Variants in ABL1 observed in about 807,000 individuals in gnomAD.
ABL1 encodes the protein ABL proto-oncogene 1, non-receptor tyrosine kinase, also known as tyrosine-protein kinase ABL1.
ABL1 carries 11 observed loss-of-function variants against 94.7 expected under a neutral mutation model. That is an observed-to-expected ratio of 0.12 (90% CI 0.07 to 0.19). The LOEUF (loss-of-function observed/expected upper bound fraction) is 0.19. Among genes scored for constraint, ABL1 ranks in the 10% least tolerant of loss-of-function variants. ABL1 has a pLI of 1.00. For synonymous variants in ABL1, 656 were observed against 622.4 expected, an observed-to-expected ratio of 1.05 and a Z score of -0.80; for missense variants, 1,082 against 1,489.4, an observed-to-expected ratio of 0.73 and a Z score of 4.50.
At position 130,792,468 on chromosome 9, in the gene ABL1, C is replaced by T. The variant is rs111628884; in HGVS notation, c.137-61596C>T. ...GTTCCCATCAGCTACTTCCCTACCC[C>T]TAGTGGTCCTATGAGTCCTTCAGTT... On this transcript the variant is annotated intron_variant, in intron 1 of 10. Coordinates refer to the ABL1 transcript ENST00000372348. 2.5e-3 allele frequency among the ~76,000 whole-genome samples: 379 copies of T among 152,200 alleles called. 3 individuals carry two copies. Among genetic ancestry groups the T allele is most frequent in the African/African-American group, 8.5e-3 (354 of 41,520 alleles).
chr9:130,876,162 G>T (rs572599595), intron 7 of ABL1, among the ~76,000 whole-genome samples: 228 of 151,022 alleles, frequency 1.5e-3, no homozygotes, highest in Non-Finnish European at 2.6e-3. Context: ...TTTTGTGGGG[G>T]TTTTTTTTTG....
chr9:130,722,629 G>A (rs1035511022), intron 1 of ABL1, among the ~76,000 whole-genome samples: 4 of 152,172 alleles, frequency 2.6e-5, no homozygotes, highest in African/African-American at 4.8e-5. Flanking sequence ...CAATGGGATC[G>A]TACAGGTGAG....
At chr9:130,776,475 G>A (rs535271998) in intron 1 of ABL1, among the ~76,000 whole-genome samples, 2 of 152,222 alleles carry the variant, frequency 1.3e-5, no homozygotes, top group South Asian at 2.1e-4. Context: ...TACTTGGGAG[G>A]CTGAGGCAGG....
At chr9:130,735,970 T>TTC (rs1831736510) in intron 1 of ABL1, among the ~76,000 whole-genome samples, 1 of 144,994 alleles carries the variant, frequency 6.9e-6, no homozygotes, top group South Asian at 2.2e-4. Flanking sequence ...TATTTTTTTT[T>TTC]TTTAAGACAG....
At chr9:130,853,951 A>G in intron 1 of ABL1, 113 bp from the exon 2 acceptor site, 1 of 1,079,688 alleles carries the variant, frequency 9.3e-7, no homozygotes, top group Non-Finnish European at 1.3e-6. Flanking sequence ...GAAATGAAAT[A>G]GGAATGTGTA....
At chr9:130,836,824 C>CAAAAAAAA (rs565723193) in intron 1 of ABL1, among the ~76,000 whole-genome samples, 15 of 77,208 alleles carry the variant, frequency 1.9e-4, no homozygotes, top group African/African-American at 5.8e-4. Flanking sequence ...GACTCGGTCT[C>CAAAAAAAA]AAAAAAAAAA....
chr9:130,860,298 G>GT (rs1339831227), intron 3 of ABL1, among the ~76,000 whole-genome samples: 2 of 152,152 alleles, frequency 1.3e-5, no homozygotes, highest in Non-Finnish European at 2.9e-5. Flanking sequence ...TTAGTATTTA[G>GT]TAAGTGTCAG....
intron 1 of ABL1, among the ~76,000 whole-genome samples, chr9:130,845,693 C>T (rs1830756779): frequency 6.6e-6 from 1 of 151,926 alleles, no homozygotes; most frequent in Admixed American, 6.6e-5. Flanking sequence ...ATTTAATGTG[C>T]GAATAAAGAG....
chr9:130,832,278 A>G (rs1050263706), upstream of ABL1, among the ~76,000 whole-genome samples: 3 of 151,032 alleles, frequency 2.0e-5, no homozygotes, highest in Non-Finnish European at 4.4e-5. Context: ...GCCCGCTACC[A>G]CGCCCAGCTA....
At chr9:130,770,017 C>T (rs888600369) in intron 1 of ABL1, among the ~76,000 whole-genome samples, 1 of 152,178 alleles carries the variant, frequency 6.6e-6, no homozygotes, top group Non-Finnish European at 1.5e-5. Context: ...ATGTTATCCA[C>T]ATTTCCTCCT....
intron 1 of ABL1, among the ~76,000 whole-genome samples, chr9:130,807,010 C>T (rs907548841): frequency 1.3e-5 from 2 of 151,818 alleles, no homozygotes; most frequent in Non-Finnish European, 2.9e-5. Flanking sequence ...CTTAGCTGGG[C>T]GTAGTGGCGG....
intron 1 of ABL1, chr9:130,724,864 G>A: frequency 2.4e-5 from 11 of 460,040 alleles, no homozygotes; most frequent in South Asian, 1.6e-4. Context: ...CGCTTCATTC[G>A]CCCAGTCCCT....
intron 1 of ABL1, among the ~76,000 whole-genome samples, chr9:130,841,186 C>T (rs1415743172): frequency 2.0e-5 from 3 of 151,854 alleles, no homozygotes; most frequent in Admixed American, 6.5e-5. Context: ...CTCACTCTGT[C>T]GCCCAGACTG....
chr9:130,738,490 A>T (rs188759973), intron 1 of ABL1, among the ~76,000 whole-genome samples: 1 of 152,340 alleles, frequency 6.6e-6, no homozygotes, highest in African/African-American at 2.4e-5. Context: ...GAAGAAGAAC[A>T]CACAAAAATA....
intron 1 of ABL1, among the ~76,000 whole-genome samples, chr9:130,717,437 C>T (rs975763564): frequency 6.6e-6 from 1 of 152,144 alleles, no homozygotes; most frequent in African/African-American, 2.4e-5. Flanking sequence ...GGTGCTGTGG[C>T]TCGTGCTTGT....
At position 130,714,271 on chromosome 9, in the gene ABL1, C is replaced by G; in HGVS notation, c.-49C>G. 4 of 1,525,282 alleles carry G rather than the reference C, an allele frequency of 2.6e-6. No individual in the cohort carries two copies. In the South Asian group the frequency reaches 3.9e-5, roughly 15 times the overall value. The allele number at this position is 1,525,282 out of a possible 1,614,324, so 94.5% of individuals were successfully genotyped here. ...TTTCCCTCTACGCTCGCTGACCGTT[C>G]TGGAAGATCTTGAACCCTCTTCTGG... On this transcript the variant is annotated 5_prime_UTR_variant, in exon 1 of 11. Transcript: ENST00000372348.
intron 3 of ABL1, among the ~76,000 whole-genome samples, chr9:130,856,118 C>T (rs994259097): frequency 1.3e-5 from 2 of 152,088 alleles, no homozygotes; most frequent in African/African-American, 4.8e-5. Context: ...ATGGCATTTT[C>T]GCTCTCATTG....
chr9:130,846,410 T>C (rs1251036848), intron 1 of ABL1, among the ~76,000 whole-genome samples: 8 of 152,176 alleles, frequency 5.3e-5, no homozygotes, highest in Non-Finnish European at 1.0e-4. Flanking sequence ...AACTGGAGGA[T>C]AATAGCGAAG....
intron 1 of ABL1, among the ~76,000 whole-genome samples, chr9:130,781,646 G>GGATATCC (rs1829757413): frequency 6.6e-6 from 1 of 152,096 alleles, no homozygotes; most frequent in Non-Finnish European, 1.5e-5. Context: ...ATTCCTATTT[G>GGATATCC]AAAATATGTC....
Sources: gnomAD v4.1 joint callset for allele counts (sites outside exome capture counted in the v4.1 genomes callset) on GRCh38, gnomAD v4.1.1 for gene constraint, MANE v1.5 for transcripts, NCBI Gene and HGNC (gene_info 2026-07-23, HGNC 2026-07-21) for gene names.